Variants in TOMM20L observed in about 807,000 individuals in gnomAD.
The protein encoded by TOMM20L is translocase of outer mitochondrial membrane 20 like, also known as TOMM20-like protein 1.
Under a neutral mutation model 20.4 loss-of-function variants are expected in TOMM20L, and 19 were observed. The observed-to-expected ratio is 0.93, with a 90% confidence interval of 0.65 to 1.36. The LOEUF (loss-of-function observed/expected upper bound fraction) is 1.36. Among genes scored for constraint, TOMM20L ranks in the 40% most tolerant of loss-of-function variants. TOMM20L has a pLI of 0.00. For synonymous variants in TOMM20L, 75 were observed against 79.6 expected (o/e 0.94, Z 0.30); for missense variants, 218 against 203.7 (o/e 1.07, Z -0.43).
the TOMM20L span, among the ~76,000 whole-genome samples, chr14:58,414,736 C>CAAA: frequency 3.2e-3 from 369 of 116,926 alleles, 7 homozygotes; most frequent in South Asian, 7.4e-3. Context: ...GACGCCATCT[C>CAAA]AAAAAAAAAA....
downstream of TOMM20L, among the ~76,000 whole-genome samples, chr14:58,409,725 C>A (rs2036150875): frequency 6.6e-6 from 1 of 151,630 alleles, no homozygotes; most frequent in African/African-American, 2.4e-5. Context: ...ACTACAGGTG[C>A]CTGCCACCAT....
rs746989865 is a variant in TOMM20L at position 58,402,769 on chromosome 14, T to C, written c.262+8T>C. On this transcript the variant is annotated splice_region_variant and intron_variant, in intron 3 of 4. Coordinates refer to ENST00000360945, the MANE Select transcript of TOMM20L (RefSeq NM_207377.3). ...AACTTTGGTTATCTAGAGGTAAGAA[T>C]GTAAATGTTCTTTTGTGAGTTATGA... The C allele has an allele frequency of 1.3e-6, 2 of 1,599,120 alleles. No homozygotes were observed. Among genetic ancestry groups the C allele is most frequent in the Non-Finnish European group, 1.7e-6 (2 of 1,167,120 alleles).
the TOMM20L span, among the ~76,000 whole-genome samples, chr14:58,415,953 C>T: frequency 5.6e-4 from 85 of 151,934 alleles, no homozygotes; most frequent in Admixed American, 2.0e-3. Context: ...CAGTGCCTCA[C>T]GTCTATAATC....
At chr14:58,415,400 T>C in the TOMM20L span, among the ~76,000 whole-genome samples, 1 of 152,090 alleles carries the variant, frequency 6.6e-6, no homozygotes, top group South Asian at 2.1e-4. Context: ...TTGATTAATA[T>C]GTGTTAGGAT....
chr14:58,403,763 G>T (rs954993842), intron 3 of TOMM20L, among the ~76,000 whole-genome samples: 3 of 151,574 alleles, frequency 2.0e-5, no homozygotes, highest in African/African-American at 7.3e-5. Flanking sequence ...GTGTGAACCC[G>T]GGAGGCGGAG....
At chr14:58,399,987 C>G (rs2035973619) in intron 2 of TOMM20L, among the ~76,000 whole-genome samples, 1 of 143,852 alleles carries the variant, frequency 7.0e-6, no homozygotes, top group African/African-American at 2.6e-5. Context: ...ACCTTTTACC[C>G]AGGTTATTGT....
At chr14:58,397,979 G>A (rs2035948610) in intron 2 of TOMM20L, among the ~76,000 whole-genome samples, 3 of 152,124 alleles carry the variant, frequency 2.0e-5, no homozygotes, top group South Asian at 4.1e-4. Flanking sequence ...AGTTCATGCC[G>A]ACTGAGTAAA....
At chr14:58,402,615 A>C (rs1199417017) in intron 2 of TOMM20L, 65 bp from the exon 3 acceptor site, 2 of 1,269,942 alleles carry the variant, frequency 1.6e-6, no homozygotes, top group Non-Finnish European at 2.3e-6. Context: ...ATAAAAAATA[A>C]TTTGATCAGT....
At chr14:58,414,654 C>T in the TOMM20L span, among the ~76,000 whole-genome samples, 1 of 147,212 alleles carries the variant, frequency 6.8e-6, no homozygotes, top group East Asian at 2.0e-4. Context: ...AGGAGAACTG[C>T]TTGACCCCTT....
chr14:58,396,044 C>A lies in TOMM20L; in HGVS notation c.87C>A (p.Leu29=), dbSNP rs747456300. 2.8e-6 allele frequency: 4 copies of A among 1,427,048 alleles called. No homozygotes were observed. The highest frequency in any genetic ancestry group is 2.8e-5 in the East Asian group (1 of 35,414). 88.4% of individuals were successfully genotyped at this position (1,427,048 alleles called of 1,614,324 possible). Residue 29 remains leucine, a synonymous_variant, in exon 1 of 5, where the codon CTC becomes CTA. Coordinates refer to ENST00000360945, the MANE Select transcript of TOMM20L (RefSeq NM_207377.3). Reference sequence around the variant, plus strand: ...CCTTCCTGGGCTATTGTATTTACCTCAACCGGAAGCGGCGCGGGGACCCCG... The same window carrying A: ...CCTTCCTGGGCTATTGTATTTACCTAAACCGGAAGCGGCGCGGGGACCCCG... ...AFAFLGYCIY[L]NRKRRGDPAF... is the part of the protein sequence containing the mutation.
chr14:58,399,764 G>GTTTCCTTA (rs1431039690), intron 2 of TOMM20L, among the ~76,000 whole-genome samples: 1 of 151,188 alleles, frequency 6.6e-6, no homozygotes, highest in African/African-American at 2.4e-5. Flanking sequence ...GCCTACTCCT[G>GTTTCCTTA]TTTCCTTATG....
rs1408980666 is a variant in TOMM20L, at chr14:58,404,099, G to GTGTGTGTA, written c.262+1339_262+1340insGTGTGTAT. 4.2e-3 allele frequency among the ~76,000 whole-genome samples: 95 copies of GTGTGTGTA among 22,872 alleles called. 2 individuals carry two copies. The highest frequency in any genetic ancestry group is 6.0e-3 in the Non-Finnish European group (72 of 11,932). 15.0% of individuals were successfully genotyped at this position (22,872 alleles called of 152,430 possible). On this transcript the variant is annotated intron_variant, in intron 3 of 4. Transcript: ENST00000360945. ...GTACAATGTATATATACATATATATGTATATATATATATATATATATTTTT... is the reference window on the plus strand; with the variant it reads ...GTACAATGTATATATACATATATATGTGTGTGTATATATATATATATATATATATTTTT...
intron 3 of TOMM20L, among the ~76,000 whole-genome samples, chr14:58,405,010 C>T (rs1237713408): frequency 6.6e-6 from 1 of 151,204 alleles, no homozygotes; most frequent in East Asian, 1.9e-4. Context: ...CTCTTGTTGC[C>T]CAGGCTGGAG....
chr14:58,396,203 G>T lies in TOMM20L; in HGVS notation c.137-95G>T, dbSNP rs1404274210. ...GGCCGTGAGTGCCTCAGCCTCTGCC[G>T]AGGGGCCCGCGGCGCCCGGGCAGGC... is the stretch of plus-strand genomic sequence containing the variant. On this transcript the variant is annotated intron_variant, in intron 1 of 4. Transcript: ENST00000360945. 7.1e-6 allele frequency: 11 copies of T among 1,555,256 alleles called. No individual in the cohort carries two copies. In the Admixed American group the frequency reaches 1.9e-4, roughly 27 times the overall value.
intron 3 of TOMM20L, among the ~76,000 whole-genome samples, chr14:58,405,806 C>T (rs2036050226): frequency 6.6e-6 from 1 of 152,210 alleles, no homozygotes; most frequent in East Asian, 1.9e-4. Flanking sequence ...ACCCACCCCC[C>T]TAATAGTTCT....
the TOMM20L span, among the ~76,000 whole-genome samples, chr14:58,415,086 G>C: frequency 6.6e-6 from 1 of 152,224 alleles, no homozygotes; most frequent in Non-Finnish European, 1.5e-5. Flanking sequence ...GTGGAAGCCT[G>C]GTGAGGAGCC....
At chr14:58,402,800 T>G in intron 3 of TOMM20L, 39 bp downstream of exon 3, 1 of 1,387,130 alleles carries the variant, frequency 7.2e-7, no homozygotes, top group East Asian at 2.3e-5. Context: ...TATGACAGCT[T>G]ATACTTGAGA....
At chr14:58,413,253 CAT>C (rs1230548269), downstream of TOMM20L, among the ~76,000 whole-genome samples, 4 of 152,118 alleles carry the variant, frequency 2.6e-5, no homozygotes, top group East Asian at 5.8e-4. Context: ...AAAGTAGATT[CAT>C]ATATCTGAGC....
chr14:58,413,182 T>C (rs150603833), downstream of TOMM20L, among the ~76,000 whole-genome samples: 136 of 152,278 alleles, frequency 8.9e-4, no homozygotes, highest in African/African-American at 3.0e-3. Flanking sequence ...TCAATTTGAA[T>C]GCTAAATTTT....
Sources: allele counts gnomAD v4.1 joint callset (sites outside exome capture counted in the v4.1 genomes callset), GRCh38; gene constraint gnomAD v4.1.1; transcripts MANE v1.5; gene names NCBI Gene and HGNC (gene_info 2026-07-23, HGNC 2026-07-21).